Variants in OTOG observed in about 807,000 individuals in gnomAD.
The protein encoded by OTOG is otogelin.
In OTOG, 296 loss-of-function variants were observed where a neutral mutation model predicts 313.8. The observed-to-expected ratio is 0.94, with a 90% CI of 0.86 to 1.04. The LOEUF is 1.04. OTOG is among the 50% of genes least tolerant of loss of function. The probability of loss-of-function intolerance (pLI) is 0.00; values close to 1 mark genes in which losing one functional copy is unlikely to be tolerated. For synonymous variants in OTOG, 1,533 were observed against 1,554.9 expected (o/e 0.99, Z 0.33); for missense variants, 3,948 against 3,840.1 (o/e 1.03, Z -0.74).
chr11:17,641,106 A>AG lies in OTOG; in HGVS notation c.8190+18dup. 1.5e-5 allele frequency: 1 copy of AG among 68,460 alleles called. No homozygotes were observed. The allele number at this position is 68,460 out of a possible 1,614,324, so 4.2% of individuals were successfully genotyped here. A position where few individuals can be genotyped will look rare whatever the true frequency, so the allele number is the denominator to read the frequency against. ...ACTGTGAGGCGGTAGGGTGCAGCCCAGGGCGGGGTGGGTGGGGTTGGGAGG... is the reference window on the plus strand; with the variant it reads ...ACTGTGAGGCGGTAGGGTGCAGCCCAGGGGCGGGGTGGGTGGGGTTGGGAGG... On this transcript the variant is annotated intron_variant, in intron 51 of 55. Transcript: ENST00000399397.
rs1034989794 is a variant in OTOG at position 17,547,922 on chromosome 11, C to T, written c.95-5C>T. 8.7e-6 allele frequency: 4 copies of T among 457,720 alleles called. No homozygotes were observed. Among genetic ancestry groups the T allele is most frequent in the Non-Finnish European group, 1.5e-5 (4 of 261,766 alleles). The allele number at this position is 457,720 out of a possible 1,614,324, so 28.4% of individuals were successfully genotyped here. A position where few individuals can be genotyped will look rare whatever the true frequency, so the allele number is the denominator to read the frequency against. On this transcript the variant is annotated splice_region_variant and splice_polypyrimidine_tract_variant and intron_variant, in intron 1 of 55. Coordinates refer to ENST00000399397, the MANE Select transcript of OTOG (RefSeq NM_001292063.2). ...ATTTGAGTGGAGAATAATCCCCCTC[C>T]CCAGCCGCAGCACCCGTTCTGTGGG...
At position 17,601,937 on chromosome 11, in the gene OTOG, C is replaced by T. The variant is rs73418086; in HGVS notation, c.3710-273C>T. On this transcript the variant is annotated intron_variant, in intron 31 of 55. Coordinates refer to ENST00000399397, the MANE Select transcript of OTOG (RefSeq NM_001292063.2). Reference sequence around the variant, plus strand: ...GGAGAGACAATGGGGGGCCCAGGTGCTCCCTGTGGGTCGCCTTCTTCCTTG... The same window carrying T: ...GGAGAGACAATGGGGGGCCCAGGTGTTCCCTGTGGGTCGCCTTCTTCCTTG... Among the ~76,000 whole-genome samples, 2,776 of 152,244 alleles carry T rather than the reference C, an allele frequency of 0.018. 30 individuals carry two copies. Among genetic ancestry groups the T allele is most frequent in the Middle Eastern group, 0.048 (14 of 294 alleles).
Position 17,593,648 on chromosome 11 carries a change from C to T in OTOG, c.3180C>T (p.His1060=). The change falls in exon 27 of 56, where the codon CAC becomes CAT. Residue 1060 remains histidine, a synonymous_variant. Transcript: ENST00000399397. ...ESFLDDKQEV[H]TWRVGFFTLV... ...TCCTGGATGACAAGCAGGAGGTCCACACATGGCGAGTGGGATTTTTCACAC... is the reference window on the plus strand; with the variant it reads ...TCCTGGATGACAAGCAGGAGGTCCATACATGGCGAGTGGGATTTTTCACAC... The T allele has an allele frequency of 1.9e-6, 3 of 1,549,152 alleles. No individual in the cohort carries two copies. The highest frequency in any genetic ancestry group is 1.7e-6 in the Non-Finnish European group (2 of 1,146,990).
At chr11:17,612,482 GCGTGGTCT>G in intron 37 of OTOG, 130 bp from the exon 38 acceptor site, 1 of 1,383,190 alleles carries the variant, frequency 7.2e-7, no homozygotes, top group East Asian at 2.5e-5. Flanking sequence ...TCTGTGTGAT[GCGTGGTCT>G]GAGCCACCCT....
Position 17,547,365 on chromosome 11 carries a change from G to T in OTOG, c.-8G>T. The stretch of plus-strand genomic sequence containing the variant: ...TGCGCTCAAGTCCTCCGGTCCCCTC[G>T]TGTCCCTATGGGAGTCCTGGCGTCT... On this transcript the variant is annotated 5_prime_UTR_variant, in exon 1 of 56. Coordinates refer to ENST00000399397, the MANE Select transcript of OTOG (RefSeq NM_001292063.2). 3.7e-6 allele frequency: 5 copies of T among 1,352,590 alleles called. No homozygotes were observed. The highest frequency in any genetic ancestry group is 4.7e-6 in the Non-Finnish European group (5 of 1,057,062). 83.8% of individuals were successfully genotyped at this position (1,352,590 alleles called of 1,614,324 possible). A position where few individuals can be genotyped will look rare whatever the true frequency, so the allele number is the denominator to read the frequency against.
At chr11:17,629,506 A>T (rs571916703) in intron 40 of OTOG, among the ~76,000 whole-genome samples, 190 bp downstream of exon 40, 45 of 152,232 alleles carry the variant, frequency 3.0e-4, no homozygotes, top group Non-Finnish European at 5.6e-4. Context: ...GGGAGATAGT[A>T]GAGGGCTCTG....
chr11:17,605,782 T>C, intron 32 of OTOG, 75 bp from the exon 33 acceptor site: 3 of 1,443,748 alleles, frequency 2.1e-6, no homozygotes, highest in Non-Finnish European at 2.8e-6. Flanking sequence ...AGAGAGCAGA[T>C]GTGTGCCAGG....
At position 17,640,743 on chromosome 11, in the gene OTOG, A is replaced by C; in HGVS notation, c.7936-2A>C. ...GGTGCTGACTGCCTCTGCCCCACCC[A>C]GTGGGAGAAATCCCAGCTGGATGAG... is the stretch of plus-strand genomic sequence containing the variant. On this transcript the variant is annotated splice_acceptor_variant, in intron 49 of 55. Transcript: ENST00000399397. LOFTEE classifies it high-confidence loss of function. 6.5e-7 allele frequency: 1 copy of C among 1,549,756 alleles called. No individual in the cohort carries two copies. Among genetic ancestry groups the C allele is most frequent in the East Asian group, 2.4e-5 (1 of 40,912 alleles).
At chr11:17,562,388 A>G (rs1297142355) in intron 15 of OTOG, among the ~76,000 whole-genome samples, 2 of 152,294 alleles carry the variant, frequency 1.3e-5, no homozygotes, top group East Asian at 3.9e-4. Context: ...GAAAAAGTAC[A>G]CCGTTTTTCA....
chr11:17,560,168 T>A (rs1469602110), intron 12 of OTOG, among the ~76,000 whole-genome samples: 1 of 152,182 alleles, frequency 6.6e-6, no homozygotes, highest in Non-Finnish European at 1.5e-5. Flanking sequence ...TTTCAGTGTA[T>A]AAATTTGCAG....
chr11:17,610,880 C>A lies in OTOG; in HGVS notation c.5580C>A (p.His1860Gln), dbSNP rs1179024408. ...CTCCAGCAGCAATGACCCAGGCGCA[C>A]CCACCCACTCACATAGCACCCCCAG... ...PFTPAAMTQAHPPTHIAPPAA... is the reference protein window; with the variant it reads ...PFTPAAMTQAQPPTHIAPPAA... Residue 1860 changes from histidine to glutamine, a missense_variant, in exon 36 of 56, where the codon CAC becomes CAA. Transcript: ENST00000399397. 6.4e-7 allele frequency: 1 copy of A among 1,550,800 alleles called. No individual in the cohort carries two copies. Among genetic ancestry groups the A allele is most frequent in the Non-Finnish European group, 8.7e-7 (1 of 1,146,992 alleles).
At position 17,569,305 on chromosome 11, in the gene OTOG, A is replaced by T. The variant is rs1222747035; in HGVS notation, c.1777+17A>T. ...ACACAGATGGTACGGTTTGGGGTGG[A>T]CAACAGACCTAGTTGGGAACTGAGG... is the stretch of plus-strand genomic sequence containing the variant. On this transcript the variant is annotated intron_variant, in intron 16 of 55. Transcript: ENST00000399397. 3 of 1,550,368 alleles carry T rather than the reference A, an allele frequency of 1.9e-6. No individual in the cohort carries two copies. Among genetic ancestry groups the T allele is most frequent in the Non-Finnish European group, 2.6e-6 (3 of 1,146,826 alleles).
intron 8 of OTOG, among the ~76,000 whole-genome samples, chr11:17,557,714 C>G (rs184485222): frequency 2.0e-5 from 3 of 149,068 alleles, no homozygotes; most frequent in African/African-American, 7.3e-5. Flanking sequence ...GTGAGTGAAG[C>G]GTTCAGGGCC....
intron 3 of OTOG, among the ~76,000 whole-genome samples, chr11:17,550,768 A>C (rs570780737): frequency 3.3e-5 from 5 of 151,972 alleles, no homozygotes; most frequent in Non-Finnish European, 5.9e-5. Flanking sequence ...GGGAAACCTG[A>C]CTCCTGGGGC....
chr11:17,560,752 TC>T lies in OTOG; in HGVS notation c.1389del (p.Cys464ValfsTer14). On this transcript the variant is annotated frameshift_variant, in exon 13 of 56. Coordinates refer to ENST00000399397, the MANE Select transcript of OTOG (RefSeq NM_001292063.2). LOFTEE classifies it high-confidence loss of function. ...GGGGCTGCGTGGCACCAGCTGAGTGTCCCTGTGAGTTTCACGGGACTCTGTA... is the reference window on the plus strand; with the variant it reads ...GGGGCTGCGTGGCACCAGCTGAGTGTCCTGTGAGTTTCACGGGACTCTGTA... ...DGGCVAPAEC[P>X]CEFHGTLYPP... 9 of 1,550,636 alleles carry T rather than the reference TC, an allele frequency of 5.8e-6. No homozygotes were observed. The highest frequency in any genetic ancestry group is 7.8e-6 in the Non-Finnish European group (9 of 1,146,996).
At chr11:17,595,967 A>G in intron 28 of OTOG, 71 bp from the exon 29 acceptor site, 5 of 1,080,716 alleles carry the variant, frequency 4.6e-6, no homozygotes, top group Non-Finnish European at 4.2e-6. Context: ...CCACCCTAAA[A>G]TCTGTCTGTC....
rs1219752176 is a variant in OTOG at position 17,610,428 on chromosome 11, A to C, written c.5128A>C (p.Ser1710Arg). The change falls in exon 36 of 56, where the codon AGT becomes CGT. Residue 1710 changes from serine to arginine, a missense_variant. Physicochemically the swap from Ser to Arg is moderately radical, Grantham distance 110. Transcript: ENST00000399397. ...AACAGCAGCAGAACAGGTTCCTGTC[A>C]GTCCCCTTGCAACCAGGAGCTTGGA... ...AGTAAEQVPV[S>R]PLATRSLEIV... The C allele has an allele frequency of 1.9e-6, 3 of 1,550,378 alleles. No individual in the cohort carries two copies. The highest frequency in any genetic ancestry group is 2.6e-6 in the Non-Finnish European group (3 of 1,146,944).
chr11:17,606,213 C>G, intron 33 of OTOG, 78 bp downstream of exon 33: 1 of 1,430,784 alleles, frequency 7.0e-7, no homozygotes, highest in Non-Finnish European at 9.2e-7. Context: ...CCCCACTTCA[C>G]CCTTCCAATT....
chr11:17,645,279 G>C (rs1283286450), intron 54 of OTOG, among the ~76,000 whole-genome samples: 1 of 152,180 alleles, frequency 6.6e-6, no homozygotes, highest in Non-Finnish European at 1.5e-5. Context: ...GCCTCACTCT[G>C]TCCCCAGATG....
Sources: allele counts gnomAD v4.1 joint callset (sites outside exome capture counted in the v4.1 genomes callset), GRCh38; gene constraint gnomAD v4.1.1; transcripts MANE v1.5; gene names NCBI Gene and HGNC (gene_info 2026-07-23, HGNC 2026-07-21).